Variants in SEMA5A observed in about 807,000 individuals in gnomAD.
The protein encoded by SEMA5A is semaphorin 5A.
Under a neutral mutation model 135.5 loss-of-function variants are expected in SEMA5A, and 55 were observed. The ratio of observed to expected loss-of-function variants is 0.41; its 90% confidence interval spans 0.33 to 0.51. SEMA5A has a LOEUF of 0.51. Ranked by LOEUF, SEMA5A falls within the 20% of genes least tolerant of loss-of-function variation. The probability of loss-of-function intolerance (pLI) is 0.37; values close to 1 mark genes in which losing one functional copy is unlikely to be tolerated. For synonymous variants in SEMA5A, 580 were observed against 546.5 expected, an observed-to-expected ratio of 1.06 and a Z score of -0.85; for missense variants, 1,290 against 1,419.9, an observed-to-expected ratio of 0.91 and a Z score of 1.47.
At chr5:9,285,192 C>T (rs550388796) in intron 5 of SEMA5A, among the ~76,000 whole-genome samples, 1 of 152,300 alleles carries the variant, frequency 6.6e-6, no homozygotes, top group Admixed American at 6.5e-5. Context: ...TTCTACTCTA[C>T]AAATGATTTC....
intron 8 of SEMA5A, among the ~76,000 whole-genome samples, chr5:9,220,564 A>T (rs937132523): frequency 2.6e-5 from 4 of 152,234 alleles, no homozygotes; most frequent in African/African-American, 9.6e-5. Flanking sequence ...CAACAAAAAA[A>T]ATTTGGTATA....
At chr5:9,284,323 G>A (rs937280018) in intron 5 of SEMA5A, among the ~76,000 whole-genome samples, 5 of 152,268 alleles carry the variant, frequency 3.3e-5, no homozygotes, top group Admixed American at 3.3e-4. Flanking sequence ...TAAAACAGTA[G>A]CTAATACAGA....
intron 18 of SEMA5A, among the ~76,000 whole-genome samples, chr5:9,055,296 CG>C: frequency 6.6e-6 from 1 of 152,172 alleles, no homozygotes; most frequent in African/African-American, 2.4e-5. Context: ...AGCTACAGGA[CG>C]TTGTCAAACA....
At position 9,399,954 on chromosome 5, in the gene SEMA5A, T is replaced by C. The variant is rs139328085; in HGVS notation, c.-77-19931A>G. On this transcript the variant is annotated intron_variant, in intron 2 of 22. Coordinates refer to ENST00000382496, the MANE Select transcript of SEMA5A (RefSeq NM_003966.3). Reference sequence around the variant, plus strand: ...ATACATACAAAGTAAAAGAGCCATATACACCGTGGAATACTATGCAGCCAT... The same window carrying C: ...ATACATACAAAGTAAAAGAGCCATACACACCGTGGAATACTATGCAGCCAT... Among the ~76,000 whole-genome samples the C allele has an allele frequency of 6.2e-4, 94 of 152,304 alleles. No individual in the cohort carries two copies. The East Asian group carries it at 0.018, about 28-fold the overall frequency.
chr5:9,217,718 T>A (rs1746713531), intron 8 of SEMA5A, among the ~76,000 whole-genome samples: 1 of 152,228 alleles, frequency 6.6e-6, no homozygotes, highest in Non-Finnish European at 1.5e-5. Flanking sequence ...TTTCTTTGAC[T>A]GTCTTATTTC....
At chr5:9,213,085 T>G (rs2150391249) in intron 8 of SEMA5A, among the ~76,000 whole-genome samples, 1 of 152,284 alleles carries the variant, frequency 6.6e-6, no homozygotes, top group African/African-American at 2.4e-5. Context: ...GAGGGAGCTC[T>G]CCGGGGTCTT....
At chr5:9,403,783 A>G (rs1756765892) in intron 2 of SEMA5A, among the ~76,000 whole-genome samples, 1 of 152,144 alleles carries the variant, frequency 6.6e-6, no homozygotes, top group South Asian at 2.1e-4. Flanking sequence ...GGAACGAGAG[A>G]AAAGGGAAAC....
intron 3 of SEMA5A, among the ~76,000 whole-genome samples, chr5:9,357,387 G>T (rs1287601858): frequency 6.6e-6 from 1 of 152,148 alleles, no homozygotes; most frequent in African/African-American, 2.4e-5. Flanking sequence ...ATTGCATATG[G>T]TCAGTATAAT....
intron 21 of SEMA5A, 53 bp from the exon 22 acceptor site, chr5:9,044,637 G>C: frequency 1.4e-6 from 2 of 1,428,890 alleles, no homozygotes; most frequent in Non-Finnish European, 9.9e-7. Context: ...ATCCTGCCTA[G>C]CTACTCAAAG....
At chr5:9,217,459 C>G (rs1280391484) in intron 8 of SEMA5A, among the ~76,000 whole-genome samples, 5 of 152,134 alleles carry the variant, frequency 3.3e-5, no homozygotes, top group Non-Finnish European at 7.3e-5. Flanking sequence ...AATCTGATGA[C>G]TGTGTGACTT....
chr5:9,377,339 A>C (rs1398822763), intron 3 of SEMA5A, among the ~76,000 whole-genome samples: 1 of 152,184 alleles, frequency 6.6e-6, no homozygotes, highest in African/African-American at 2.4e-5. Flanking sequence ...ATGCAGAAAG[A>C]GCTCTGGAAT....
chr5:9,327,179 T>A (rs1033135638), intron 4 of SEMA5A, among the ~76,000 whole-genome samples: 13 of 152,196 alleles, frequency 8.5e-5, no homozygotes, highest in Admixed American at 2.6e-4. Context: ...CAGTTTTTAA[T>A]TCTTTTGTGA....
chr5:9,480,545 T>C (rs563498135), intron 1 of SEMA5A, among the ~76,000 whole-genome samples: 1 of 152,302 alleles, frequency 6.6e-6, no homozygotes, highest in South Asian at 2.1e-4. Flanking sequence ...GTGGCAACCC[T>C]GCCTTTGTGA....
chr5:9,173,038 C>T (rs1021216759), intron 11 of SEMA5A, among the ~76,000 whole-genome samples: 6 of 151,966 alleles, frequency 3.9e-5, no homozygotes, highest in Non-Finnish European at 5.9e-5. Context: ...ACTTATTAAA[C>T]GTGTGTTGAT....
chr5:9,164,739 A>T (rs1743512254), intron 11 of SEMA5A, among the ~76,000 whole-genome samples: 1 of 152,230 alleles, frequency 6.6e-6, no homozygotes, highest in African/African-American at 2.4e-5. Flanking sequence ...AGAGAACTAA[A>T]TGAGCACTTA....
rs1340077650 is a variant in SEMA5A at position 9,493,965 on chromosome 5, T to A, written c.-175+51619A>T. 2.0e-5 allele frequency among the ~76,000 whole-genome samples: 3 copies of A among 152,226 alleles called. No individual in the cohort carries two copies. The East Asian group carries it at 5.8e-4, about 29-fold the overall frequency. On this transcript the variant is annotated intron_variant, in intron 1 of 22. Coordinates refer to ENST00000382496, the MANE Select transcript of SEMA5A (RefSeq NM_003966.3). The stretch of plus-strand genomic sequence containing the variant: ...CCATAACTTTAACAAGCAGCATCTA[T>A]TTCCAGCATGTGCTAAATATTGTAC...
chr5:9,485,181 A>C (rs1734629099), intron 1 of SEMA5A, among the ~76,000 whole-genome samples: 1 of 151,950 alleles, frequency 6.6e-6, no homozygotes, highest in African/African-American at 2.4e-5. Flanking sequence ...TGGTCTAGAG[A>C]TCTGCCTCTA....
intron 8 of SEMA5A, among the ~76,000 whole-genome samples, chr5:9,210,197 A>C (rs1746266410): frequency 6.6e-6 from 1 of 152,240 alleles, no homozygotes; most frequent in Non-Finnish European, 1.5e-5. Context: ...GCACAAATTA[A>C]AATCTAAAGG....
chr5:9,419,528 C>T (rs777716247), intron 2 of SEMA5A, among the ~76,000 whole-genome samples: 48 of 152,116 alleles, frequency 3.2e-4, no homozygotes, highest in Non-Finnish European at 5.1e-4. Flanking sequence ...CAACGATGGT[C>T]GAGGATGCTG....
Sources: allele counts gnomAD v4.1 joint callset (sites outside exome capture counted in the v4.1 genomes callset), GRCh38; gene constraint gnomAD v4.1.1; transcripts MANE v1.5; gene names NCBI Gene and HGNC (gene_info 2026-07-23, HGNC 2026-07-21).